IRX4: variants seen among roughly 807,000 people sequenced by gnomAD.
IRX4 encodes the protein iroquois-class homeodomain protein IRX-4.
Under a neutral mutation model 32.0 loss-of-function variants are expected in IRX4, and 22 were observed. The ratio of observed to expected loss-of-function variants is 0.69; its 90% CI spans 0.49 to 0.98. The LOEUF (loss-of-function observed/expected upper bound fraction) is 0.98. IRX4 is among the 50% of genes least tolerant of loss of function. The pLI is 0.00. For synonymous variants in IRX4, 379 were observed against 351.7 expected, an observed-to-expected ratio of 1.08 and a Z score of -0.87; for missense variants, 840 against 744.2, an observed-to-expected ratio of 1.13 and a Z score of -1.50.
intron 1 of IRX4, 120 bp from the exon 2 acceptor site, chr5:1,882,179 G>A (rs1222427395): frequency 3.3e-6 from 4 of 1,196,852 alleles, no homozygotes; most frequent in African/African-American, 3.1e-5. Context: ...GCCTCCCGCC[G>A]TCCACACCAG....
Position 1,882,079 on chromosome 5 carries a change from G to A in IRX4, c.46-20C>T. ...CAAGAACTGCAGAGAGAGGCCGCGA[G>A]GACTGGCGGGAAGCCGGGCTGGAGG... On this transcript the variant is annotated intron_variant, in intron 1 of 4. Coordinates refer to ENST00000231357, the MANE Select transcript of IRX4 (RefSeq NM_016358.3). 1.9e-6 allele frequency: 3 copies of A among 1,543,976 alleles called. No individual in the cohort carries two copies. Among genetic ancestry groups the A allele is most frequent in the Non-Finnish European group, 2.6e-6 (3 of 1,147,076 alleles).
chr5:1,881,969 G>A lies in IRX4; in HGVS notation c.136C>T (p.Pro46Ser), dbSNP rs571352634. The A allele has an allele frequency of 1.9e-5, 29 of 1,556,806 alleles. No homozygotes were observed. The African/African-American group carries it at 2.5e-4, about 13-fold the overall frequency. Residue 46 changes from proline (P) to serine (S), a missense_variant, in exon 2 of 5, where the codon CCG (proline) becomes TCG (serine). By Grantham distance (74) the Pro-to-Ser change is moderately conservative. Coordinates refer to ENST00000231357, the MANE Select transcript of IRX4 (RefSeq NM_016358.3). ...CTCTCGTAGACCGGGCAGTAGACCG[G>A]CGCCTGGGCCGAGGCGGCGGGCCCG... ...DSGPAASAQAPVYCPVYESRL... is the reference protein window; with the variant it reads ...DSGPAASAQASVYCPVYESRL...
upstream of IRX4, among the ~76,000 whole-genome samples, chr5:1,885,608 C>A (rs1447058797): frequency 6.6e-6 from 1 of 152,126 alleles, no homozygotes; most frequent in Non-Finnish European, 1.5e-5. Flanking sequence ...CGCCCGGCCT[C>A]ACCCAGGCCC....
upstream of IRX4, among the ~76,000 whole-genome samples, chr5:1,885,694 T>C (rs1431185697): frequency 6.6e-6 from 1 of 152,126 alleles, no homozygotes; most frequent in Non-Finnish European, 1.5e-5. Flanking sequence ...TGAAACCCTG[T>C]AGCCTGGCCT....
Position 1,879,564 on chromosome 5 carries a change from C to A in IRX4, c.676G>T (p.Glu226Ter). ...GCCTCCTCCTCGCCCCCCTCCTCCT[C>A]CTCGCCCTCCGCGTAGGGCCGCTTC... Reference protein sequence around the residue: ...DEKRPYAEGEEEEGGEEEARE... With the variant: ...DEKRPYAEGE The change falls in exon 4 of 5, where the codon GAG (glutamate) becomes TAG (stop). Residue 226 changes from glutamate (E) to a stop codon, truncating the protein, a stop_gained. Transcript: ENST00000231357. LOFTEE classifies it high-confidence loss of function. 1 of 1,613,766 alleles carries A rather than the reference C, an allele frequency of 6.2e-7. No homozygotes were observed. The highest frequency in any genetic ancestry group is 8.5e-7 in the Non-Finnish European group (1 of 1,180,018).
Position 1,879,183 on chromosome 5 carries a change from A to G in IRX4, c.736+321T>C, listed in dbSNP as rs1477343118. ...ATTTTTTGTATTTTTAGTAGAAACGAGGTTTCACCGTGTTAGCCAGGATGG... is the reference window on the plus strand; with the variant it reads ...ATTTTTTGTATTTTTAGTAGAAACGGGGTTTCACCGTGTTAGCCAGGATGG... On this transcript the variant is annotated intron_variant, in intron 4 of 4. Coordinates refer to ENST00000231357, the MANE Select transcript of IRX4 (RefSeq NM_016358.3). Among the ~76,000 whole-genome samples the G allele has an allele frequency of 3.3e-5, 5 of 151,762 alleles. No individual in the cohort carries two copies. The East Asian group carries it at 5.8e-4, about 18-fold the overall frequency.
In IRX4 at chr5:1,878,299, G is replaced by A. The variant is rs1259278904; in HGVS notation, c.1230C>T (p.Pro410=). The change falls in exon 5 of 5, where the codon CCC becomes CCT. Residue 410 remains proline (P), a synonymous_variant. Transcript: ENST00000231357. ...PAAPAAVSSA[P]ATSPSVALPH... is the part of the protein sequence containing the mutation. ...GAAGGGCCACAGACGGGGACGTGGCGGGCGCGGAGGACACAGCCGCAGGGG... is the reference window on the plus strand; with the variant it reads ...GAAGGGCCACAGACGGGGACGTGGCAGGCGCGGAGGACACAGCCGCAGGGG... 3 of 1,581,832 alleles carry A rather than the reference G, an allele frequency of 1.9e-6. No individual in the cohort carries two copies. Among genetic ancestry groups the A allele is most frequent in the East Asian group, 4.6e-5 (2 of 43,382 alleles).
rs1351054771 is a variant in IRX4 at position 1,878,705 on chromosome 5, A to T, written c.824T>A (p.Leu275Gln). Residue 275 changes from leucine to glutamine, a missense_variant, in exon 5 of 5, where the codon CTG becomes CAG. Leu to Gln is a moderately radical substitution (Grantham distance 113, BLOSUM62 -2). This residue lies in a region of IRX4 where 585 missense variants were observed against 488.0 expected (regional missense o/e 1.20). Coordinates refer to ENST00000231357, the MANE Select transcript of IRX4 (RefSeq NM_016358.3). ...PLEAEPPACE[L>Q]KPPFHSLDGG... is the part of the protein sequence containing the mutation. ...GTCCAGGGAGTGGAAGGGCGGCTTC[A>T]GCTCGCACGCCGGCGGCTCTGCTTC... 1.9e-6 allele frequency: 3 copies of T among 1,612,014 alleles called. No individual in the cohort carries two copies. Among genetic ancestry groups the T allele is most frequent in the Non-Finnish European group, 2.5e-6 (3 of 1,179,802 alleles).
Position 1,878,647 on chromosome 5 carries a change from G to A in IRX4, c.882C>T (p.Asp294=), listed in dbSNP as rs1735305687. The A allele has an allele frequency of 1.3e-6, 2 of 1,595,830 alleles. No individual in the cohort carries two copies. The highest frequency in any genetic ancestry group is 1.1e-5 in the South Asian group (1 of 88,984). ...GGLERVPAAP[D]GPVKEASGAL... is the part of the protein sequence containing the mutation. ...CGCCTGAGGCCTCCTTGACCGGGCC[G>A]TCGGGCGCGGCGGGGACGCGCTCCA... Residue 294 remains aspartate, a synonymous_variant, in exon 5 of 5, where the codon GAC becomes GAT. Coordinates refer to ENST00000231357, the MANE Select transcript of IRX4 (RefSeq NM_016358.3).
In IRX4 at chr5:1,880,734, G is replaced by T; in HGVS notation, c.398C>A (p.Pro133His). 1 of 1,612,326 alleles carries T rather than the reference G, an allele frequency of 6.2e-7. No homozygotes were observed. The highest frequency in any genetic ancestry group is 1.1e-5 in the South Asian group (1 of 91,046). ...AGGGGTGGGTCCTCACCTGTCATAGGGGTACTGGCCCAGAGCTGGCTCGTA... is the reference window on the plus strand; with the variant it reads ...AGGGGTGGGTCCTCACCTGTCATAGTGGTACTGGCCCAGAGCTGGCTCGTA... ...YPYEPALGQY[P>H]YDRYGTMDSG... is the part of the protein sequence containing the mutation. The change falls in exon 3 of 5, where the codon CCC (proline) becomes CAC (histidine). Residue 133 changes from proline to histidine, a missense_variant. Coordinates refer to ENST00000231357, the MANE Select transcript of IRX4 (RefSeq NM_016358.3).
chr5:1,881,000 C>A (rs944881896), intron 2 of IRX4, 166 bp from the exon 3 acceptor site: 2 of 589,362 alleles, frequency 3.4e-6, no homozygotes, highest in African/African-American at 2.0e-5. Flanking sequence ...CCTGGTCTCG[C>A]AAACCTGAAG....
At chr5:1,882,931 AG>A (rs1735507065), upstream of IRX4, among the ~76,000 whole-genome samples, 8 of 129,826 alleles carry the variant, frequency 6.2e-5, no homozygotes, top group Admixed American at 6.3e-4. Context: ...TTTACGAAAA[AG>A]AAAAAAAAAA....
Position 1,878,425 on chromosome 5 carries a change from G to C in IRX4, c.1104C>G (p.Ile368Met). Reference sequence around the variant, plus strand: ...CGGTGGCTGTGTGGGCCAGGGACCAGATGCGCGGCTTAGCCTCCAGGCCTG... The same window carrying C: ...CGGTGGCTGTGTGGGCCAGGGACCACATGCGCGGCTTAGCCTCCAGGCCTG... ...ASAGLEAKPR[I>M]WSLAHTATAA... Residue 368 changes from isoleucine (I) to methionine (M), a missense_variant, in exon 5 of 5, where the codon ATC becomes ATG. By Grantham distance (10) the Ile-to-Met change is conservative. Around this residue, in one of 3 missense-constraint regions of IRX4, gnomAD observed 585 missense variants for 488.0 expected, o/e 1.20. Coordinates refer to ENST00000231357, the MANE Select transcript of IRX4 (RefSeq NM_016358.3). The C allele has an allele frequency of 6.6e-7, 1 of 1,517,214 alleles. No homozygotes were observed. The highest frequency in any genetic ancestry group is 8.8e-7 in the Non-Finnish European group (1 of 1,136,992). The allele number at this position is 1,517,214 out of a possible 1,614,324, so 94.0% of individuals were successfully genotyped here. A position where few individuals can be genotyped will look rare whatever the true frequency, so the allele number is the denominator to read the frequency against.
rs1247565357 is a variant in IRX4, at chr5:1,882,902, C to T, written c.-255G>A. The T allele has an allele frequency of 6.1e-6, 2 of 327,306 alleles. No individual in the cohort carries two copies. The highest frequency in any genetic ancestry group is 4.7e-5 in the East Asian group (1 of 21,382). 20.3% of individuals were successfully genotyped at this position (327,306 alleles called of 1,614,324 possible). ...GCTCTGGGACCGAGCGGCCTCGCAG[C>T]GGCGACAGAAATACATATTTTACGA... is the stretch of plus-strand genomic sequence containing the variant. On this transcript the variant is annotated 5_prime_UTR_variant, in exon 1 of 5. Transcript: ENST00000231357.
upstream of IRX4, chr5:1,884,204 T>G (rs780224943): frequency 2.6e-5 from 4 of 152,236 alleles, no homozygotes; most frequent in Non-Finnish European, 4.4e-5. Flanking sequence ...CCTCGCCCCC[T>G]GGGCCGGCCT....
At position 1,878,500 on chromosome 5, in the gene IRX4, G is replaced by T; in HGVS notation, c.1029C>A (p.Gly343=). The T allele has an allele frequency of 7.0e-7, 1 of 1,435,992 alleles. No homozygotes were observed. Among genetic ancestry groups the T allele is most frequent in the Admixed American group, 2.8e-5 (1 of 35,104 alleles). 89.0% of individuals were successfully genotyped at this position (1,435,992 alleles called of 1,614,324 possible). ...CCAGCTTGGCCTCGCAGACCTGAGGGCCGCCCTCTGCGCCCGGCAGTGGCT... is the reference window on the plus strand; with the variant it reads ...CCAGCTTGGCCTCGCAGACCTGAGGTCCGCCCTCTGCGCCCGGCAGTGGCT... The part of the protein sequence containing the change: ...GPEPLPGAEG[G]PQVCEAKLGF... The change falls in exon 5 of 5, where the codon GGC becomes GGA. Residue 343 remains glycine (G), a synonymous_variant. Transcript: ENST00000231357.
At chr5:1,882,149 C>A in intron 1 of IRX4, 90 bp from the exon 2 acceptor site, 1 of 1,448,508 alleles carries the variant, frequency 6.9e-7, no homozygotes, top group Non-Finnish European at 9.1e-7. Context: ...CCCACGAGGG[C>A]GTGCCCCGAG....
chr5:1,882,347 C>T (rs1245436372), intron 1 of IRX4, among the ~76,000 whole-genome samples: 1 of 152,222 alleles, frequency 6.6e-6, no homozygotes, highest in African/African-American at 2.4e-5. Flanking sequence ...GGTCCTAGGA[C>T]TCCCCTGGGG....
Position 1,882,885 on chromosome 5 carries a change from A to T in IRX4, c.-238T>A, listed in dbSNP as rs1205642763. ...TCCGGAGGCTCGAGGGGGCTCTGGG[A>T]CCGAGCGGCCTCGCAGCGGCGACAG... On this transcript the variant is annotated 5_prime_UTR_variant, in exon 1 of 5. Coordinates refer to ENST00000231357, the MANE Select transcript of IRX4 (RefSeq NM_016358.3). The T allele has an allele frequency of 1.4e-5, 5 of 367,756 alleles. No individual in the cohort carries two copies. The highest frequency in any genetic ancestry group is 2.4e-5 in the Non-Finnish European group (5 of 207,586). The allele number at this position is 367,756 out of a possible 1,614,324, so 22.8% of individuals were successfully genotyped here.
Sources: allele counts gnomAD v4.1 joint callset (sites outside exome capture counted in the v4.1 genomes callset), GRCh38; gene constraint gnomAD v4.1.1; regional missense constraint gnomAD v4.1.1; transcripts MANE v1.5; gene names NCBI Gene and HGNC (gene_info 2026-07-23, HGNC 2026-07-21).